The following HECTD4 variants were observed in gnomAD, a reference collection of about 807,000 sequenced individuals.
HECTD4 encodes probable E3 ubiquitin-protein ligase HECTD4.
A neutral mutation model predicts 471.5 loss-of-function variants in HECTD4; 114 were observed. The observed-to-expected ratio is 0.24, with a 90% confidence interval of 0.21 to 0.28. The LOEUF is 0.28. Ranked by LOEUF, HECTD4 falls within the 10% of genes least tolerant of loss-of-function variation. The pLI, the probability that HECTD4 is intolerant of heterozygous loss-of-function variation, is 1.00. For missense variants in HECTD4, 3,866 were observed against 5,651.5 expected, an observed-to-expected ratio of 0.68 and a Z score of 10.13; for synonymous variants, 2,012 against 2,256.0, an observed-to-expected ratio of 0.89 and a Z score of 3.07.
At chr12:112,248,022 C>G in intron 27 of HECTD4, 45 bp downstream of exon 27, 1 of 1,375,512 alleles carries the variant, frequency 7.3e-7, no homozygotes, top group Non-Finnish European at 1.0e-6. Flanking sequence ...TACCTTTGCT[C>G]TCTAAATGGC....
At chr12:112,262,313 C>T (rs1313288347) in intron 17 of HECTD4, among the ~76,000 whole-genome samples, 1 of 151,854 alleles carries the variant, frequency 6.6e-6, no homozygotes, top group African/African-American at 2.4e-5. Context: ...GAGTTCAAGA[C>T]CAGTCTGGAC....
At chr12:112,219,556 T>C (rs1593943370) in intron 44 of HECTD4, 67 bp from the exon 45 acceptor site, 2 of 1,101,020 alleles carry the variant, frequency 1.8e-6, no homozygotes, top group East Asian at 4.8e-5. Flanking sequence ...GCTGACTCTT[T>C]TGGAGCAGCA....
At chr12:112,305,424 C>A (rs1274908791) in intron 7 of HECTD4, among the ~76,000 whole-genome samples, 1 of 152,134 alleles carries the variant, frequency 6.6e-6, no homozygotes. Context: ...CTGGAATGTT[C>A]TTCCCTCACC....
intron 25 of HECTD4, among the ~76,000 whole-genome samples, chr12:112,248,963 A>G (rs757124340): frequency 4.6e-5 from 7 of 152,188 alleles, no homozygotes; most frequent in Non-Finnish European, 7.3e-5. Context: ...CTCCTTTATT[A>G]CAATAGAGTA....
At chr12:112,233,875 C>T (rs1301119762) in intron 37 of HECTD4, among the ~76,000 whole-genome samples, 1 of 152,080 alleles carries the variant, frequency 6.6e-6, no homozygotes, top group Non-Finnish European at 1.5e-5. Context: ...TGAAGAACAC[C>T]CTGTGTGTTT....
chr12:112,283,069 C>G lies in HECTD4; in HGVS notation c.1528+41G>C, dbSNP rs748113183. The stretch of plus-strand genomic sequence containing the variant: ...CTCAATAAGACGTAGCTGAACAGAG[C>G]TATACAAGGAAACAGATCTGGGAAG... On this transcript the variant is annotated intron_variant, in intron 8 of 75. Transcript: ENST00000682272. 4.6e-6 allele frequency: 7 copies of G among 1,532,472 alleles called. No homozygotes were observed. In the East Asian group the frequency reaches 1.6e-4, roughly 35 times the overall value. 94.9% of individuals were successfully genotyped at this position (1,532,472 alleles called of 1,614,324 possible). A position where few individuals can be genotyped will look rare whatever the true frequency, so the allele number is the denominator to read the frequency against.
intron 50 of HECTD4, 112 bp downstream of exon 50, chr12:112,209,903 T>C: frequency 1.1e-6 from 1 of 892,028 alleles, no homozygotes; most frequent in Non-Finnish European, 1.8e-6. Flanking sequence ...GGCACGTGAG[T>C]TTGCAACTCC....
intron 1 of HECTD4, among the ~76,000 whole-genome samples, chr12:112,367,311 A>G (rs2036582307): frequency 2.2e-4 from 1 of 4,624 alleles, no homozygotes; most frequent in African/African-American, 4.7e-4. Flanking sequence ...AAAAAAAAAG[A>G]AAGAAAGAAA....
chr12:112,352,333 A>C (rs1392108528), intron 1 of HECTD4, among the ~76,000 whole-genome samples: 47 of 145,522 alleles, frequency 3.2e-4, no homozygotes, highest in Admixed American at 3.2e-3. Context: ...TGGATGGAGC[A>C]TCTTTTTTTT....
At chr12:112,234,616 C>A (rs910164295) in intron 37 of HECTD4, among the ~76,000 whole-genome samples, 3 of 152,160 alleles carry the variant, frequency 2.0e-5, no homozygotes, top group African/African-American at 7.2e-5. Flanking sequence ...GTAATCACAC[C>A]ATTTCATACT....
Position 112,382,414 on chromosome 12 carries a change from C to A in HECTD4, c.-286G>T. 1 of 289,346 alleles carries A rather than the reference C, an allele frequency of 3.5e-6. No homozygotes were observed. The highest frequency in any genetic ancestry group is 6.2e-6 in the Non-Finnish European group (1 of 160,504). The allele number at this position is 289,346 out of a possible 1,614,324, so 17.9% of individuals were successfully genotyped here. On this transcript the variant is annotated 5_prime_UTR_variant, in exon 1 of 76. It removes an upstream start codon present in the reference 5' UTR. Coordinates refer to ENST00000682272, the MANE Select transcript of HECTD4 (RefSeq NM_001388303.1). Reference sequence around the variant, plus strand: ...CGGCAACCAACTGTCAGTGAGACGCCATGTTGGGGGCGGGGCTCCCGGCAT... The same window carrying A: ...CGGCAACCAACTGTCAGTGAGACGCAATGTTGGGGGCGGGGCTCCCGGCAT...
At chr12:112,189,550 CAAAAAAAAAAAAAA>C (rs57209316) in intron 60 of HECTD4, among the ~76,000 whole-genome samples, 3 of 30,436 alleles carry the variant, frequency 9.9e-5, no homozygotes, top group Non-Finnish European at 2.0e-4. Flanking sequence ...GACTCCGTCT[CAAAAAAAAAAAAAA>C]AAAAAAAAAA....
chr12:112,347,419 G>A (rs1237255622), intron 1 of HECTD4, among the ~76,000 whole-genome samples: 1 of 152,140 alleles, frequency 6.6e-6, no homozygotes, highest in African/African-American at 2.4e-5. Flanking sequence ...TGAGGCATAA[G>A]AATCGCTTGC....
chr12:112,227,235 G>A (rs993805692), intron 43 of HECTD4, among the ~76,000 whole-genome samples: 7 of 152,140 alleles, frequency 4.6e-5, no homozygotes, highest in Non-Finnish European at 8.8e-5. Flanking sequence ...CAACGCAGGT[G>A]GATCACCAGA....
At chr12:112,306,026 G>T in intron 7 of HECTD4, 38 bp downstream of exon 7, 1 of 1,562,506 alleles carries the variant, frequency 6.4e-7, no homozygotes, top group Middle Eastern at 1.7e-4. Context: ...AAACAGAAAT[G>T]TTTCTGCAAA....
chr12:112,165,178 C>G (rs576999187), intron 72 of HECTD4, among the ~76,000 whole-genome samples: 34 of 151,548 alleles, frequency 2.2e-4, no homozygotes, highest in Non-Finnish European at 4.3e-4. Context: ...CTCAGCCTCC[C>G]AAAGTGCTGG....
In HECTD4 at chr12:112,273,834, C is replaced by A. The variant is rs374140391; in HGVS notation, c.1802-39G>T. 2.6e-5 allele frequency: 42 copies of A among 1,605,864 alleles called. No individual in the cohort carries two copies. In the African/African-American group the frequency reaches 4.8e-4, roughly 18 times the overall value. On this transcript the variant is annotated intron_variant, in intron 10 of 75. Coordinates refer to ENST00000682272, the MANE Select transcript of HECTD4 (RefSeq NM_001388303.1). ...ATACTGTATTCAGTCACCATGCCAC[C>A]AGCTACCTGTATACATATTTCTCAC...
At chr12:112,377,625 C>G (rs1429463149) in intron 1 of HECTD4, among the ~76,000 whole-genome samples, 1 of 152,130 alleles carries the variant, frequency 6.6e-6, no homozygotes, top group Admixed American at 6.6e-5. Context: ...AATCTCGGCA[C>G]TTTGGGAGGC....
chr12:112,196,186 G>T (rs554803380), intron 55 of HECTD4, among the ~76,000 whole-genome samples: 1 of 152,134 alleles, frequency 6.6e-6, no homozygotes, highest in African/African-American at 2.4e-5. Context: ...ACCCACGGGG[G>T]TCATTTGATA....
Sources: allele counts gnomAD v4.1 joint callset (sites outside exome capture counted in the v4.1 genomes callset), GRCh38; gene constraint gnomAD v4.1.1; transcripts MANE v1.5; gene names NCBI Gene and HGNC (gene_info 2026-07-23, HGNC 2026-07-21).